The following PABPC4L variants were observed in gnomAD, a reference collection of about 807,000 sequenced individuals.
PABPC4L encodes poly(A) binding protein cytoplasmic 4 like.
For missense variants in PABPC4L, 452 were observed against 451.4 expected, an observed-to-expected ratio of 1.00 and a Z score of -0.01; for synonymous variants, 169 against 164.1, an observed-to-expected ratio of 1.03 and a Z score of -0.23.
the PABPC4L span, among the ~76,000 whole-genome samples, chr4:133,969,848 C>T: frequency 6.6e-6 from 1 of 151,994 alleles, no homozygotes; most frequent in Non-Finnish European, 1.5e-5. Flanking sequence ...TTCAGCTATC[C>T]AGCTACCCTT....
At chr4:134,005,632 G>T in the PABPC4L span, among the ~76,000 whole-genome samples, 4 of 151,930 alleles carry the variant, frequency 2.6e-5, no homozygotes, top group Admixed American at 6.6e-5. Flanking sequence ...TATTCAAAAA[G>T]TTGGTTTTGG....
chr4:134,037,634 C>T, the PABPC4L span, among the ~76,000 whole-genome samples: 2 of 152,068 alleles, frequency 1.3e-5, no homozygotes, highest in South Asian at 4.2e-4. Context: ...AGAAGATATA[C>T]AAATGGTTAA....
At chr4:134,062,227 T>G in the PABPC4L span, among the ~76,000 whole-genome samples, 1 of 151,990 alleles carries the variant, frequency 6.6e-6, no homozygotes, top group Non-Finnish European at 1.5e-5. Context: ...TTCTGAGGTT[T>G]GGAGGTATAT....
chr4:134,168,324 A>T, the PABPC4L span, among the ~76,000 whole-genome samples: 1 of 152,016 alleles, frequency 6.6e-6, no homozygotes, highest in East Asian at 1.9e-4. Context: ...TGAAAATAGT[A>T]GAAAAACTTT....
the PABPC4L span, among the ~76,000 whole-genome samples, chr4:133,968,589 GAA>G: frequency 8.2e-4 from 124 of 152,034 alleles, no homozygotes; most frequent in African/African-American, 2.9e-3. Flanking sequence ...CTCCAGTTGT[GAA>G]TACAAAAAAC....
chr4:134,126,091 A>T, the PABPC4L span, among the ~76,000 whole-genome samples: 1 of 152,172 alleles, frequency 6.6e-6, no homozygotes, highest in African/African-American at 2.4e-5. Context: ...TGATAACATT[A>T]CCATTTTATT....
chr4:134,043,296 A>C, the PABPC4L span, among the ~76,000 whole-genome samples: 1 of 152,184 alleles, frequency 6.6e-6, no homozygotes, highest in Admixed American at 6.5e-5. Flanking sequence ...TCTGAAAAGT[A>C]AACTATATGA....
At chr4:134,064,844 T>G in the PABPC4L span, among the ~76,000 whole-genome samples, 12 of 152,028 alleles carry the variant, frequency 7.9e-5, no homozygotes, top group African/African-American at 2.4e-4. Context: ...AGAGTGAACA[T>G]GAGGTATTTG....
chr4:133,979,028 T>C, the PABPC4L span: 2 of 152,200 alleles, frequency 1.3e-5, no homozygotes, highest in African/African-American at 4.8e-5. Context: ...ATTGATGCTT[T>C]CAAGATCTTT....
chr4:134,111,870 T>G, the PABPC4L span, among the ~76,000 whole-genome samples: 7 of 152,036 alleles, frequency 4.6e-5, no homozygotes, highest in Non-Finnish European at 7.4e-5. Context: ...GGTGTGTCTT[T>G]GTCAGCAGCG....
the PABPC4L span, among the ~76,000 whole-genome samples, chr4:134,056,539 A>C: frequency 6.6e-6 from 1 of 151,936 alleles, no homozygotes; most frequent in Non-Finnish European, 1.5e-5. Context: ...TAAGCATATA[A>C]GTTCTATACA....
At chr4:134,024,923 ATTT>A in the PABPC4L span, among the ~76,000 whole-genome samples, 5 of 128,466 alleles carry the variant, frequency 3.9e-5, no homozygotes, top group Non-Finnish European at 8.2e-5. Context: ...TAATTATGTA[ATTT>A]TTTTTTTTTT....
chr4:134,150,087 CT>C, the PABPC4L span, among the ~76,000 whole-genome samples: 378 of 142,136 alleles, frequency 2.7e-3, 1 homozygote, highest in Middle Eastern at 3.6e-3. Context: ...TTTATTATGT[CT>C]TTTTTTTTTT....
At chr4:133,955,697 T>A in the PABPC4L span, among the ~76,000 whole-genome samples, 1 of 152,200 alleles carries the variant, frequency 6.6e-6, no homozygotes, top group Non-Finnish European at 1.5e-5. Flanking sequence ...GTACCAGCAA[T>A]GGCTCATCAA....
At chr4:133,993,542 G>T in the PABPC4L span, among the ~76,000 whole-genome samples, 1 of 152,196 alleles carries the variant, frequency 6.6e-6, no homozygotes, top group Non-Finnish European at 1.5e-5. Flanking sequence ...TCCAAATTCA[G>T]GGACATGAGT....
chr4:134,044,684 G>A, the PABPC4L span, among the ~76,000 whole-genome samples: 1 of 152,172 alleles, frequency 6.6e-6, no homozygotes, highest in Admixed American at 6.6e-5. Flanking sequence ...AAAATTCAGA[G>A]TACCTGAACA....
chr4:134,168,436 A>C, the PABPC4L span, among the ~76,000 whole-genome samples: 2 of 151,908 alleles, frequency 1.3e-5, no homozygotes, highest in Non-Finnish European at 2.9e-5. Context: ...AAATAAATGA[A>C]ATTGAGACAA....
the PABPC4L span, among the ~76,000 whole-genome samples, chr4:134,144,886 T>G: frequency 6.6e-6 from 1 of 151,748 alleles, no homozygotes; most frequent in Non-Finnish European, 1.5e-5. Flanking sequence ...TCATGCTGAC[T>G]TCTTTTTCCT....
At chr4:134,165,859 C>T in the PABPC4L span, among the ~76,000 whole-genome samples, 1 of 152,106 alleles carries the variant, frequency 6.6e-6, no homozygotes. Flanking sequence ...GCGCCATTCA[C>T]AATTGCGTTA....
Sources: allele counts gnomAD v4.1 joint callset (sites outside exome capture counted in the v4.1 genomes callset), GRCh38; gene constraint gnomAD v4.1.1; transcripts MANE v1.5; gene names NCBI Gene and HGNC (gene_info 2026-07-23, HGNC 2026-07-21).